The following SLC38A9 variants were observed in gnomAD, a reference collection of about 807,000 sequenced individuals.
The protein encoded by SLC38A9 is neutral amino acid transporter 9.
A neutral mutation model predicts 62.3 loss-of-function variants in SLC38A9; 48 were observed. The observed-to-expected ratio is 0.77, with a 90% CI of 0.61 to 0.98. SLC38A9 has a LOEUF of 0.98. Ranked by LOEUF, SLC38A9 falls within the 50% of genes least tolerant of loss-of-function variation. SLC38A9 has a pLI of 0.00. For synonymous variants in SLC38A9, 204 were observed against 227.7 expected, an observed-to-expected ratio of 0.90 and a Z score of 0.94; for missense variants, 541 against 679.8, an observed-to-expected ratio of 0.80 and a Z score of 2.27.
intron 9 of SLC38A9, 150 bp downstream of exon 9, chr5:55,656,565 A>C: frequency 1.7e-6 from 1 of 578,658 alleles, no homozygotes; most frequent in Non-Finnish European, 3.0e-6. Flanking sequence ...TTTTTTTTTT[A>C]AACACACTAC....
intron 11 of SLC38A9, 57 bp from the exon 12 acceptor site, chr5:55,645,952 G>C: frequency 9.0e-7 from 1 of 1,105,316 alleles, no homozygotes; most frequent in Non-Finnish European, 1.3e-6. Flanking sequence ...ATGAGTATTG[G>C]TAGCCAAAAG....
At chr5:55,649,564 G>A (rs565375472) in intron 10 of SLC38A9, among the ~76,000 whole-genome samples, 40 of 152,312 alleles carry the variant, frequency 2.6e-4, no homozygotes, top group African/African-American at 9.1e-4. Flanking sequence ...GCTCACACCT[G>A]TAATCCCAGC....
intron 3 of SLC38A9, among the ~76,000 whole-genome samples, chr5:55,689,127 A>G (rs58554392): frequency 0.012 from 1,814 of 152,212 alleles, 26 homozygotes; most frequent in African/African-American, 0.04. Context: ...ATACCAAGAT[A>G]AACTATAAAC....
intron 2 of SLC38A9, among the ~76,000 whole-genome samples, chr5:55,708,368 C>A (rs536134203): frequency 2.6e-5 from 4 of 152,332 alleles, no homozygotes; most frequent in African/African-American, 9.6e-5. Flanking sequence ...TGAAGCACTT[C>A]TCTCCGTAAA....
intron 3 of SLC38A9, among the ~76,000 whole-genome samples, chr5:55,686,314 C>A (rs552055920): frequency 6.6e-6 from 1 of 152,140 alleles, no homozygotes; most frequent in Non-Finnish European, 1.5e-5. Context: ...TTAATAATAA[C>A]CATTCTGACT....
chr5:55,664,766 A>G lies in SLC38A9; in HGVS notation c.624T>C (p.Ser208=). The G allele has an allele frequency of 6.3e-7, 1 of 1,597,458 alleles. No individual in the cohort carries two copies. The highest frequency in any genetic ancestry group is 8.5e-7 in the Non-Finnish European group (1 of 1,174,024). The change falls in exon 8 of 16, where the codon TCT becomes TCC. Residue 208 remains serine, a synonymous_variant. Transcript: ENST00000396865. The stretch of plus-strand genomic sequence containing the variant: ...AATAAACTATCATTGCTCCAATGAG[A>G]GACACCAAGGAGAAAAGGAGACTCG... ...QWSSLLFSLV[S]LIGAMIVYWV...
At chr5:55,629,534 C>T (rs571560321) in intron 14 of SLC38A9, among the ~76,000 whole-genome samples, 5 of 152,238 alleles carry the variant, frequency 3.3e-5, no homozygotes, top group Non-Finnish European at 7.4e-5. Context: ...AGCACATCTG[C>T]GCGTACTGCA....
At chr5:55,697,390 T>TA (rs1756031547) in intron 3 of SLC38A9, among the ~76,000 whole-genome samples, 1 of 152,244 alleles carries the variant, frequency 6.6e-6, no homozygotes, top group Non-Finnish European at 1.5e-5. Flanking sequence ...TTACTGTTTA[T>TA]AATTTTTTTG....
In SLC38A9 at chr5:55,649,231, T is replaced by A. The variant is rs765362617; in HGVS notation, c.1036A>T (p.Ile346Leu). The A allele has an allele frequency of 3.1e-6, 5 of 1,606,498 alleles. No homozygotes were observed. Among genetic ancestry groups the A allele is most frequent in the South Asian group, 2.2e-5 (2 of 89,014 alleles). ...LGFHLEFHWF[I>L]PTEFFVPEIR... ...CCTGGTACAAAAAATTCTGTTGGTA[T>A]AAACCAATGAAATTCCAAATGAAAT... The change falls in exon 11 of 16, where the codon ATA (isoleucine) becomes TTA (leucine). Residue 346 changes from isoleucine to leucine, a missense_variant. Coordinates refer to ENST00000396865, the MANE Select transcript of SLC38A9 (RefSeq NM_173514.4).
chr5:55,635,625 C>T lies in SLC38A9; in HGVS notation c.1200G>A (p.Val400=). 1 of 1,613,814 alleles carries T rather than the reference C, an allele frequency of 6.2e-7. No individual in the cohort carries two copies. The highest frequency in any genetic ancestry group is 1.1e-5 in the South Asian group (1 of 91,070). The change falls in exon 13 of 16, where the codon GTG becomes GTA. Residue 400 remains valine (V), a synonymous_variant. Transcript: ENST00000396865. ...CTCCAATATAGAGATAAGTTAATGT[C>T]ACCAGCATATAAGCAATGCACAAGT... ...VRDLCIAYML[V]TLTYLYIGVL... is the part of the protein sequence containing the mutation.
At chr5:55,674,208 G>A (rs1173041469) in intron 3 of SLC38A9, among the ~76,000 whole-genome samples, 1 of 152,090 alleles carries the variant, frequency 6.6e-6, no homozygotes, top group African/African-American at 2.4e-5. Flanking sequence ...AATATGCTGG[G>A]TACTATATAG....
At chr5:55,699,831 T>C (rs1172983352) in intron 2 of SLC38A9, among the ~76,000 whole-genome samples, 1 of 152,118 alleles carries the variant, frequency 6.6e-6, no homozygotes, top group African/African-American at 2.4e-5. Context: ...ACCTAGAATG[T>C]GGCAGAGAGA....
At chr5:55,701,299 G>C (rs1201205540) in intron 2 of SLC38A9, among the ~76,000 whole-genome samples, 3 of 152,232 alleles carry the variant, frequency 2.0e-5, no homozygotes, top group African/African-American at 7.2e-5. Flanking sequence ...AGATGTAATA[G>C]ACAGCTCAAA....
intron 12 of SLC38A9, among the ~76,000 whole-genome samples, chr5:55,642,335 G>A (rs112494694): frequency 0.049 from 7,506 of 152,282 alleles, 316 homozygotes; most frequent in African/African-American, 0.12. Flanking sequence ...GTGAGCCACC[G>A]TGCCCAGCCT....
At chr5:55,687,178 G>A (rs1333414402) in intron 3 of SLC38A9, among the ~76,000 whole-genome samples, 19 of 149,764 alleles carry the variant, frequency 1.3e-4, no homozygotes, top group Non-Finnish European at 2.4e-4. Context: ...GGTGGCTCAC[G>A]CCTGTAATCC....
intron 13 of SLC38A9, chr5:55,635,302 C>T (rs1245703069): frequency 5.6e-6 from 3 of 537,520 alleles, no homozygotes; most frequent in Non-Finnish European, 1.0e-5. Flanking sequence ...GCATGTAGTA[C>T]ATTATCTCAG....
intron 3 of SLC38A9, among the ~76,000 whole-genome samples, chr5:55,674,268 A>C (rs934008395): frequency 6.6e-6 from 1 of 152,322 alleles, no homozygotes; most frequent in Non-Finnish European, 1.5e-5. Context: ...AAATATGTGG[A>C]TATAGGGATC....
chr5:55,680,215 C>CTA (rs897571821), intron 3 of SLC38A9, among the ~76,000 whole-genome samples: 27 of 32,688 alleles, frequency 8.3e-4, no homozygotes, highest in East Asian at 2.7e-3. Context: ...GTGTATATAT[C>CTA]TATATATATA....
intron 14 of SLC38A9, among the ~76,000 whole-genome samples, chr5:55,630,348 C>T (rs377352109): frequency 3.2e-4 from 49 of 151,870 alleles, no homozygotes; most frequent in Admixed American, 1.6e-3. Flanking sequence ...GATGGAGTCT[C>T]GCTCTGTCAC....
Sources: gnomAD v4.1 joint callset for allele counts (sites outside exome capture counted in the v4.1 genomes callset) on GRCh38, gnomAD v4.1.1 for gene constraint, MANE v1.5 for transcripts, NCBI Gene and HGNC (gene_info 2026-07-23, HGNC 2026-07-21) for gene names.